ARHGEF28: variants seen among roughly 807,000 people sequenced by gnomAD.
ARHGEF28 encodes the protein 190 kDa guanine nucleotide exchange factor.
In ARHGEF28, 152 loss-of-function variants were observed where a neutral mutation model predicts 206.6. The ratio of observed to expected loss-of-function variants is 0.74; its 90% CI spans 0.64 to 0.84. The LOEUF (loss-of-function observed/expected upper bound fraction) is 0.84, where lower values mean the gene tolerates loss of function less well. Ranked by LOEUF, ARHGEF28 falls within the 40% of genes least tolerant of loss-of-function variation. The probability of loss-of-function intolerance (pLI) is 0.00; values close to 1 mark genes in which losing one functional copy is unlikely to be tolerated. For missense variants in ARHGEF28, 2,028 were observed against 2,073.2 expected, an observed-to-expected ratio of 0.98 and a Z score of 0.42; for synonymous variants, 763 against 776.4, an observed-to-expected ratio of 0.98 and a Z score of 0.29.
At position 73,876,159 on chromosome 5, in the gene ARHGEF28, A is replaced by G. The variant is rs934602566; in HGVS notation, c.2814+2913A>G. On this transcript the variant is annotated intron_variant, in intron 22 of 35. Coordinates refer to ENST00000513042, the MANE Select transcript of ARHGEF28 (RefSeq NM_001177693.2). ...ACGTCCCTTGTAAGTTGGATTCCTA[A>G]GTATTTTATTCTCTTTGAAGCAATT... Among the ~76,000 whole-genome samples the G allele has an allele frequency of 5.4e-5, 8 of 147,282 alleles. No individual in the cohort carries two copies. In the South Asian group the frequency reaches 6.6e-4, roughly 12 times the overall value.
intron 11 of ARHGEF28, among the ~76,000 whole-genome samples, chr5:73,841,809 G>C (rs933737281): frequency 2.0e-5 from 3 of 151,902 alleles, no homozygotes; most frequent in African/African-American, 7.3e-5. Context: ...GAAGGAAATA[G>C]GGAAATGGGA....
chr5:73,658,987 A>ACG (rs1554051349), intron 1 of ARHGEF28, among the ~76,000 whole-genome samples: 56 of 150,232 alleles, frequency 3.7e-4, no homozygotes, highest in South Asian at 1.7e-3. Context: ...ACACACACAC[A>ACG]CACACACACA....
At chr5:73,629,485 G>A (rs868069399) in intron 1 of ARHGEF28, among the ~76,000 whole-genome samples, 6 of 145,518 alleles carry the variant, frequency 4.1e-5, no homozygotes, top group African/African-American at 1.5e-4. Context: ...TCCAGTCTGG[G>A]TGACAGAAAA....
At chr5:73,684,585 T>C (rs780000504) in intron 1 of ARHGEF28, among the ~76,000 whole-genome samples, 3 of 152,232 alleles carry the variant, frequency 2.0e-5, no homozygotes, top group Admixed American at 6.5e-5. Flanking sequence ...TTTGGGTATA[T>C]ACCTGGAAGT....
At chr5:73,671,694 T>TTACATATA (rs1746307612) in intron 1 of ARHGEF28, among the ~76,000 whole-genome samples, 2 of 76,110 alleles carry the variant, frequency 2.6e-5, no homozygotes, top group African/African-American at 9.2e-5. Flanking sequence ...TTGAACTTGA[T>TTACATATA]TATATATATA....
intron 35 of ARHGEF28, among the ~76,000 whole-genome samples, chr5:73,923,610 ATAGCCAGTCCCTTCACCC>A (rs1763643884): frequency 6.6e-6 from 1 of 152,218 alleles, no homozygotes; most frequent in Non-Finnish European, 1.5e-5. Context: ...GCCTACTATG[ATAGCCAGTCCCTTCACCC>A]CCTCTACCAT....
chr5:73,863,310 C>T (rs1759509590), intron 16 of ARHGEF28: 1 of 152,124 alleles, frequency 6.6e-6, no homozygotes, highest in Non-Finnish European at 1.5e-5. Context: ...TCTATGGTGG[C>T]TTTGACTGTC....
intron 14 of ARHGEF28, among the ~76,000 whole-genome samples, chr5:73,855,990 C>T (rs763120376): frequency 3.3e-5 from 5 of 152,122 alleles, no homozygotes; most frequent in Non-Finnish European, 7.4e-5. Context: ...TTCTTTAATT[C>T]CGATATTAGG....
chr5:73,789,593 A>T (rs61045213), intron 7 of ARHGEF28, among the ~76,000 whole-genome samples: 6,455 of 152,296 alleles, frequency 0.042, 467 homozygotes, highest in African/African-American at 0.14. Flanking sequence ...AAGCTGTCAT[A>T]AAAACATATA....
chr5:73,780,577 T>G, intron 6 of ARHGEF28, 99 bp from the exon 7 acceptor site: 8 of 1,240,242 alleles, frequency 6.5e-6, no homozygotes, highest in Non-Finnish European at 5.6e-6. Flanking sequence ...CTCCTAGCTC[T>G]GAGATCATTG....
chr5:73,796,937 G>A (rs548276623), intron 9 of ARHGEF28, among the ~76,000 whole-genome samples: 1 of 152,302 alleles, frequency 6.6e-6, no homozygotes, highest in East Asian at 1.9e-4. Flanking sequence ...AAGATGAATT[G>A]CTGGGGGAGG....
rs200719446 is a variant in ARHGEF28 at position 73,806,591 on chromosome 5, CTATA to C, written c.1024+11205_1024+11208del. Among the ~76,000 whole-genome samples the C allele has an allele frequency of 4.4e-5, 6 of 136,080 alleles. 3 individuals are homozygous for C. In the East Asian group the frequency reaches 1.4e-3, roughly 32 times the overall value. 89.3% of individuals were successfully genotyped at this position (136,080 alleles called of 152,430 possible). On this transcript the variant is annotated intron_variant, in intron 9 of 35. Coordinates refer to ENST00000513042, the MANE Select transcript of ARHGEF28 (RefSeq NM_001177693.2). Reference sequence around the variant, plus strand: ...TATATAGTATGTATATAGTATATATCTATATATACTACACATCTATCTATATATA... The same window carrying C: ...TATATAGTATGTATATAGTATATATCTATACTACACATCTATCTATATATA...
Position 73,893,062 on chromosome 5 carries a change from G to T in ARHGEF28, c.3567-135G>T, listed in dbSNP as rs1002662104. 1.6e-5 allele frequency: 10 copies of T among 637,838 alleles called. No individual in the cohort carries two copies. The African/African-American group carries it at 1.9e-4, about 12-fold the overall frequency. The allele number at this position is 637,838 out of a possible 1,614,324, so 39.5% of individuals were successfully genotyped here. A position where few individuals can be genotyped will look rare whatever the true frequency, so the allele number is the denominator to read the frequency against. ...GAAAACCAAGTCTCTGGCCAGGGGG[G>T]ATGATGCATTCCCTTTATGCTGAAA... On this transcript the variant is annotated intron_variant, in intron 27 of 35. Coordinates refer to ENST00000513042, the MANE Select transcript of ARHGEF28 (RefSeq NM_001177693.2).
chr5:73,935,473 A>G (rs1011193761), intron 35 of ARHGEF28, among the ~76,000 whole-genome samples: 1 of 152,202 alleles, frequency 6.6e-6, no homozygotes, highest in African/African-American at 2.4e-5. Context: ...TATTAGGGAC[A>G]CAGACCAATT....
intron 13 of ARHGEF28, among the ~76,000 whole-genome samples, chr5:73,850,281 T>C (rs1251483851): frequency 6.6e-6 from 1 of 152,048 alleles, no homozygotes; most frequent in East Asian, 1.9e-4. Context: ...GATGTACTGT[T>C]AGAAGAGAAG....
intron 10 of ARHGEF28, chr5:73,835,395 G>C (rs558743181): frequency 2.6e-5 from 4 of 151,646 alleles, no homozygotes; most frequent in Non-Finnish European, 5.9e-5. Context: ...GCGTGAACCC[G>C]GGAGGCGGAG....
chr5:73,663,842 T>G (rs767133481), intron 1 of ARHGEF28, among the ~76,000 whole-genome samples: 14 of 152,264 alleles, frequency 9.2e-5, no homozygotes, highest in Non-Finnish European at 1.9e-4. Flanking sequence ...CAAGTCTGTT[T>G]TGTATGTGAG....
intron 20 of ARHGEF28, 104 bp from the exon 21 acceptor site, chr5:73,869,965 C>A: frequency 1.5e-5 from 20 of 1,357,730 alleles, no homozygotes; most frequent in Non-Finnish European, 2.0e-5. Flanking sequence ...TTTCCATGTT[C>A]ATAGCAGATT....
chr5:73,690,965 G>A (rs1033428587), intron 2 of ARHGEF28, among the ~76,000 whole-genome samples: 12 of 151,728 alleles, frequency 7.9e-5, no homozygotes, highest in East Asian at 1.9e-4. Context: ...AATTCTCGCC[G>A]TGTCATCCAG....
Sources: allele counts gnomAD v4.1 joint callset (sites outside exome capture counted in the v4.1 genomes callset), GRCh38; gene constraint gnomAD v4.1.1; transcripts MANE v1.5; gene names NCBI Gene and HGNC (gene_info 2026-07-23, HGNC 2026-07-21).